Variants in SH3GLB1 observed in about 807,000 individuals in gnomAD.
The protein encoded by SH3GLB1 is SH3 domain containing GRB2 like, endophilin B1.
In SH3GLB1, 17 loss-of-function variants were observed where a neutral mutation model predicts 42.0. That is an observed-to-expected ratio of 0.40 (90% CI 0.28 to 0.61). The LOEUF (loss-of-function observed/expected upper bound fraction) is 0.61, where lower values mean the gene tolerates loss of function less well. Ranked by LOEUF, SH3GLB1 falls within the 20% of genes least tolerant of loss-of-function variation. SH3GLB1 has a pLI of 0.36. For missense variants in SH3GLB1, 355 were observed against 426.3 expected (o/e 0.83, Z 1.47); for synonymous variants, 132 against 146.6 (o/e 0.90, Z 0.72).
At chr1:86,741,498 A>G (rs1482125835) in intron 7 of SH3GLB1, among the ~76,000 whole-genome samples, 1 of 152,216 alleles carries the variant, frequency 6.6e-6, no homozygotes, top group Non-Finnish European at 1.5e-5. Flanking sequence ...AATTTCTAAT[A>G]GAAAATTTTT....
chr1:86,729,451 G>A (rs1655388868), intron 5 of SH3GLB1, among the ~76,000 whole-genome samples: 1 of 152,070 alleles, frequency 6.6e-6, no homozygotes, highest in Admixed American at 6.5e-5. Flanking sequence ...ATGCATTAAT[G>A]TGTTTCCATT....
chr1:86,735,200 T>A, intron 7 of SH3GLB1, 21 bp downstream of exon 7: 1 of 1,525,276 alleles, frequency 6.6e-7, no homozygotes, highest in South Asian at 1.1e-5. Flanking sequence ...ACTTTTCACA[T>A]GTAAAGAGGA....
chr1:86,729,969 T>C (rs964272780), intron 5 of SH3GLB1: 6 of 965,148 alleles, frequency 6.2e-6, no homozygotes, highest in East Asian at 2.7e-5. Context: ...TCTATAAATA[T>C]GATTCTGAAA....
In SH3GLB1 at chr1:86,744,977, G is replaced by A. The variant is rs951877575; in HGVS notation, c.*1742G>A. 1 of 152,160 alleles carries A rather than the reference G, an allele frequency of 6.6e-6. No homozygotes were observed. The highest frequency in any genetic ancestry group is 1.5e-5 in the Non-Finnish European group (1 of 68,024). 9.4% of individuals were successfully genotyped at this position (152,160 alleles called of 1,614,324 possible). ...GTAAATGAAATTTTCTCTCCCCTCAGAAAGGAAGTTCTACAGCCTAGAGTA... is the reference window on the plus strand; with the variant it reads ...GTAAATGAAATTTTCTCTCCCCTCAAAAAGGAAGTTCTACAGCCTAGAGTA... On this transcript the variant is annotated 3_prime_UTR_variant, in exon 9 of 9. Coordinates refer to ENST00000370558, the MANE Select transcript of SH3GLB1 (RefSeq NM_016009.5).
intron 3 of SH3GLB1, among the ~76,000 whole-genome samples, chr1:86,720,754 A>G (rs1271755114): frequency 1.3e-5 from 2 of 152,234 alleles, no homozygotes; most frequent in African/African-American, 2.4e-5. Flanking sequence ...ATGAATTTTA[A>G]GCTTTAGTAG....
At chr1:86,738,175 G>A (rs1655872546) in intron 7 of SH3GLB1, among the ~76,000 whole-genome samples, 1 of 152,190 alleles carries the variant, frequency 6.6e-6, no homozygotes, top group Non-Finnish European at 1.5e-5. Flanking sequence ...GCAGTGGCTT[G>A]GATCAGGGTA....
chr1:86,734,935 G>A (rs576388406), intron 6 of SH3GLB1, 144 bp from the exon 7 acceptor site: 6 of 669,040 alleles, frequency 9.0e-6, no homozygotes, highest in East Asian at 5.3e-5. Context: ...TACTATTCAC[G>A]AAGGCCAATC....
intron 5 of SH3GLB1, among the ~76,000 whole-genome samples, chr1:86,728,718 A>T (rs1176487598): frequency 2.6e-5 from 4 of 152,200 alleles, no homozygotes; most frequent in African/African-American, 9.6e-5. Flanking sequence ...ATATGAATTT[A>T]TACATAAATA....
Position 86,746,567 on chromosome 1 carries a change from T to A in SH3GLB1, c.*3332T>A, listed in dbSNP as rs1009935748. Reference sequence around the variant, plus strand: ...CCCTGCCCTTTCTCCCATATTACGCTCATTAGAAAGTCTACTCAGGGCTGG... The same window carrying A: ...CCCTGCCCTTTCTCCCATATTACGCACATTAGAAAGTCTACTCAGGGCTGG... On this transcript the variant is annotated 3_prime_UTR_variant, in exon 9 of 9. Transcript: ENST00000370558. 6.6e-6 allele frequency: 1 copy of A among 152,126 alleles called. No individual in the cohort carries two copies. Among genetic ancestry groups the A allele is most frequent in the African/African-American group, 2.4e-5 (1 of 41,408 alleles). The allele number at this position is 152,126 out of a possible 1,614,324, so 9.4% of individuals were successfully genotyped here.
At chr1:86,726,637 G>T (rs1415959903) in intron 5 of SH3GLB1, among the ~76,000 whole-genome samples, 1 of 151,844 alleles carries the variant, frequency 6.6e-6, no homozygotes, top group Non-Finnish European at 1.5e-5. Flanking sequence ...TATTTTTTTA[G>T]TCTAGACAGG....
intron 1 of SH3GLB1, 134 bp from the exon 2 acceptor site, chr1:86,715,590 T>C (rs1558300069): frequency 2.2e-6 from 2 of 906,736 alleles, no homozygotes; most frequent in Non-Finnish European, 3.2e-6. Flanking sequence ...TCATAAGCAA[T>C]GGCTTACAAA....
intron 1 of SH3GLB1, among the ~76,000 whole-genome samples, chr1:86,714,972 G>A (rs1003608184): frequency 4.6e-5 from 7 of 152,128 alleles, no homozygotes; most frequent in Non-Finnish European, 8.8e-5. Flanking sequence ...CATTGAGTAC[G>A]TTTAACCACA....
At chr1:86,716,290 T>G (rs529753550) in intron 2 of SH3GLB1, among the ~76,000 whole-genome samples, 1 of 152,174 alleles carries the variant, frequency 6.6e-6, no homozygotes, top group South Asian at 2.1e-4. Context: ...TTGTTTGTTT[T>G]TTGAGACAGA....
intron 5 of SH3GLB1, among the ~76,000 whole-genome samples, chr1:86,732,779 C>G (rs1655581092): frequency 6.6e-6 from 1 of 152,058 alleles, no homozygotes. Context: ...CTACTTCAGT[C>G]TCAATCTTCC....
intron 3 of SH3GLB1, among the ~76,000 whole-genome samples, chr1:86,721,026 G>A (rs775310622): frequency 6.6e-6 from 1 of 152,188 alleles, no homozygotes; most frequent in Non-Finnish European, 1.5e-5. Context: ...ATAAAGGTAT[G>A]TGAAAGGAAC....
At chr1:86,740,549 G>A (rs1248216335) in intron 7 of SH3GLB1, among the ~76,000 whole-genome samples, 1 of 152,194 alleles carries the variant, frequency 6.6e-6, no homozygotes, top group Non-Finnish European at 1.5e-5. Context: ...GAAGGTGTTG[G>A]TAGGATCATA....
At chr1:86,712,393 G>A (rs547748958) in intron 1 of SH3GLB1, among the ~76,000 whole-genome samples, 1 of 152,286 alleles carries the variant, frequency 6.6e-6, no homozygotes, top group Non-Finnish European at 1.5e-5. Flanking sequence ...GTATTTACTG[G>A]AAGGGTAGTA....
rs1180806409 is a variant in SH3GLB1 at position 86,735,268 on chromosome 1, G to A, written c.761+89G>A. On this transcript the variant is annotated intron_variant, in intron 7 of 8. Coordinates refer to ENST00000370558, the MANE Select transcript of SH3GLB1 (RefSeq NM_016009.5). ...AAGGATGAAGATTAGAGCAATTAAA[G>A]GTTCTTACTAGCTTTCTTAGAAATA... The A allele has an allele frequency of 2.4e-5, 19 of 781,914 alleles. No individual in the cohort carries two copies. The African/African-American group carries it at 3.2e-4, about 13-fold the overall frequency. 48.4% of individuals were successfully genotyped at this position (781,914 alleles called of 1,614,324 possible).
At chr1:86,734,375 ACAGATTCTTTT>A in intron 5 of SH3GLB1, 1 of 431,112 alleles carries the variant, frequency 2.3e-6, no homozygotes, top group Non-Finnish European at 4.3e-6. Context: ...CTTTAGCGTA[ACAGATTCTTTT>A]CAATCAAGTA....
Sources: allele counts gnomAD v4.1 joint callset (sites outside exome capture counted in the v4.1 genomes callset), GRCh38; gene constraint gnomAD v4.1.1; transcripts MANE v1.5; gene names NCBI Gene and HGNC (gene_info 2026-07-23, HGNC 2026-07-21).